Variants in BRD7 observed in about 807,000 individuals in gnomAD.
The protein encoded by BRD7 is bromodomain containing 7, also known as bromodomain-containing protein 7.
A neutral mutation model predicts 82.1 loss-of-function variants in BRD7; 15 were observed. That is an observed-to-expected ratio of 0.18 (90% CI 0.12 to 0.28). The LOEUF is 0.28. Ranked by LOEUF, BRD7 falls within the 10% of genes least tolerant of loss-of-function variation. The pLI, the probability that BRD7 is intolerant of heterozygous loss-of-function variation, is 1.00. For synonymous variants in BRD7, 232 were observed against 266.9 expected (o/e 0.87, Z 1.27); for missense variants, 638 against 779.9 (o/e 0.82, Z 2.17).
chr16:50,341,967 CAT>C (rs1555468849), intron 5 of BRD7, among the ~76,000 whole-genome samples: 30 of 149,204 alleles, frequency 2.0e-4, no homozygotes, highest in African/African-American at 7.1e-4. Context: ...CACACACACA[CAT>C]TTTACTTCAA....
At chr16:50,347,212 C>A (rs1341962895) in intron 5 of BRD7, among the ~76,000 whole-genome samples, 1 of 152,132 alleles carries the variant, frequency 6.6e-6, no homozygotes, top group Non-Finnish European at 1.5e-5. Context: ...ATTCAACAGC[C>A]CTTCATGCTA....
intron 2 of BRD7, among the ~76,000 whole-genome samples, chr16:50,365,104 C>T (rs2039088291): frequency 6.6e-6 from 1 of 152,154 alleles, no homozygotes; most frequent in African/African-American, 2.4e-5. Flanking sequence ...ATTCCAGAAC[C>T]CTGGAAAAGC....
chr16:50,342,887 G>A (rs1307322716), intron 5 of BRD7, among the ~76,000 whole-genome samples: 5 of 152,104 alleles, frequency 3.3e-5, no homozygotes, highest in Non-Finnish European at 7.4e-5. Flanking sequence ...TGAATACATA[G>A]TAAATTTTAA....
chr16:50,337,173 C>A (rs1229416978), intron 6 of BRD7, among the ~76,000 whole-genome samples: 1 of 151,422 alleles, frequency 6.6e-6, no homozygotes, highest in Non-Finnish European at 1.5e-5. Flanking sequence ...ATTGTTTGTA[C>A]TACTTTGTTT....
chr16:50,354,256 G>A (rs1420833380), intron 4 of BRD7, among the ~76,000 whole-genome samples, 169 bp downstream of exon 4: 1 of 152,158 alleles, frequency 6.6e-6, no homozygotes, highest in East Asian at 1.9e-4. Flanking sequence ...ACCAAATAAA[G>A]AATATCTAAA....
chr16:50,325,297 T>G (rs1031640060), intron 11 of BRD7, among the ~76,000 whole-genome samples: 7 of 152,152 alleles, frequency 4.6e-5, no homozygotes, highest in Admixed American at 4.6e-4. Flanking sequence ...ACCTGGCATG[T>G]GATTGGTCAA....
chr16:50,335,131 T>C (rs1445946389), intron 6 of BRD7, among the ~76,000 whole-genome samples: 2 of 152,202 alleles, frequency 1.3e-5, no homozygotes, highest in African/African-American at 2.4e-5. Context: ...TATTGCCCTA[T>C]CAGAAATTTA....
At chr16:50,363,673 G>A (rs1010236862) in intron 2 of BRD7, among the ~76,000 whole-genome samples, 11 of 61,666 alleles carry the variant, frequency 1.8e-4, no homozygotes, top group African/African-American at 3.8e-4. Flanking sequence ...GCGCGCGCGC[G>A]TGCGCGTGTG....
At chr16:50,324,873 T>C (rs2037271514) in intron 11 of BRD7, among the ~76,000 whole-genome samples, 1 of 152,208 alleles carries the variant, frequency 6.6e-6, no homozygotes, top group Admixed American at 6.5e-5. Flanking sequence ...AAAGAATTCA[T>C]TCAGGCTGGT....
At chr16:50,329,961 T>C (rs995940311) in intron 8 of BRD7, among the ~76,000 whole-genome samples, 2 of 152,216 alleles carry the variant, frequency 1.3e-5, no homozygotes, top group Non-Finnish European at 1.5e-5. Context: ...CTGTCCCCCC[T>C]TCCTCTTGCC....
intron 13 of BRD7, 134 bp from the exon 14 acceptor site, chr16:50,320,908 G>A: frequency 1.5e-6 from 1 of 661,252 alleles, no homozygotes; most frequent in Non-Finnish European, 2.7e-6. Flanking sequence ...TAATTTTGAT[G>A]CTTACAGAAA....
At chr16:50,354,624 G>T in intron 3 of BRD7, 142 bp from the exon 4 acceptor site, 1 of 1,205,292 alleles carries the variant, frequency 8.3e-7, no homozygotes, top group Non-Finnish European at 1.2e-6. Context: ...AAGTTTGAGA[G>T]TATTAATCCA....
In BRD7 at chr16:50,325,738, G is replaced by A. The variant is rs1323616314; in HGVS notation, c.1331+10C>T. On this transcript the variant is annotated intron_variant, in intron 11 of 16. Transcript: ENST00000394688. ...AACAAATGTAATCAGAATATTAACT[G>A]GAAACTCACCTGAAATCACTTGGAA... 7 of 1,585,354 alleles carry A rather than the reference G, an allele frequency of 4.4e-6. No individual in the cohort carries two copies. The highest frequency in any genetic ancestry group is 6.0e-6 in the Non-Finnish European group (7 of 1,170,086).
intron 11 of BRD7, 119 bp from the exon 12 acceptor site, chr16:50,323,817 C>A: frequency 3.0e-6 from 2 of 667,894 alleles, no homozygotes; most frequent in South Asian, 3.5e-5. Context: ...CAAATTTCTG[C>A]CTAGACACAA....
intron 5 of BRD7, among the ~76,000 whole-genome samples, chr16:50,346,651 A>C (rs1216947093): frequency 6.6e-6 from 1 of 152,236 alleles, no homozygotes; most frequent in Non-Finnish European, 1.5e-5. Flanking sequence ...CCATGCAAAT[A>C]AACTAGAAAA....
chr16:50,347,681 T>G (rs1320470623), intron 5 of BRD7, among the ~76,000 whole-genome samples: 1 of 152,034 alleles, frequency 6.6e-6, no homozygotes, highest in Non-Finnish European at 1.5e-5. Context: ...GAGAATAAAA[T>G]AGCTAGGAAT....
intron 8 of BRD7, among the ~76,000 whole-genome samples, chr16:50,332,731 G>T (rs1276765615): frequency 2.0e-5 from 3 of 152,016 alleles, no homozygotes; most frequent in African/African-American, 7.3e-5. Context: ...AATCAACCTA[G>T]GTGCCCACCA....
chr16:50,334,591 A>ACAC (rs1416783591), intron 7 of BRD7, 120 bp downstream of exon 7: 4 of 1,210,752 alleles, frequency 3.3e-6, no homozygotes, highest in East Asian at 4.7e-5. Context: ...TCATGCCAAA[A>ACAC]CACCACCACC....
At chr16:50,350,678 A>G (rs2038481846) in intron 4 of BRD7, among the ~76,000 whole-genome samples, 1 of 152,236 alleles carries the variant, frequency 6.6e-6, no homozygotes, top group Non-Finnish European at 1.5e-5. Flanking sequence ...AAAAACTGAC[A>G]TTAAAAAGGT....
Sources: gnomAD v4.1 joint callset for allele counts (sites outside exome capture counted in the v4.1 genomes callset) on GRCh38, gnomAD v4.1.1 for gene constraint, MANE v1.5 for transcripts, NCBI Gene and HGNC (gene_info 2026-07-23, HGNC 2026-07-21) for gene names.